Variants in PAG1 observed in about 807,000 individuals in gnomAD.
PAG1 encodes phosphoprotein associated with glycosphingolipid-enriched microdomains 1.
PAG1 carries 23 observed loss-of-function variants against 31.7 expected under a neutral mutation model. That is an observed-to-expected ratio of 0.73 (90% CI 0.52 to 1.03). The LOEUF (loss-of-function observed/expected upper bound fraction) is 1.03, where lower values mean the gene tolerates loss of function less well. Ranked by LOEUF, PAG1 falls within the 50% of genes least tolerant of loss-of-function variation. The probability of loss-of-function intolerance (pLI) is 0.00; values close to 1 mark genes in which losing one functional copy is unlikely to be tolerated. For missense variants in PAG1, 473 were observed against 540.7 expected, an observed-to-expected ratio of 0.87 and a Z score of 1.24; for synonymous variants, 214 against 210.3, an observed-to-expected ratio of 1.02 and a Z score of -0.15.
In PAG1 at chr8:80,984,875, A is replaced by G. The variant is rs772828902; in HGVS notation, c.777T>C (p.Pro259=). Residue 259 remains proline (P), a synonymous_variant, in exon 7 of 9, where the codon CCT becomes CCC. Coordinates refer to ENST00000220597, the MANE Select transcript of PAG1 (RefSeq NM_018440.4). The stretch of plus-strand genomic sequence containing the variant: ...TCTCGTCCAGAAGCTTAACAGGGAC[A>G]GGTGGTGGGGCCTCCTCTTCTGGAT... ...SCDPEEEAPP[P]VPVKLLDENE... is the part of the protein sequence containing the mutation. 1 of 1,614,132 alleles carries G rather than the reference A, an allele frequency of 6.2e-7. No homozygotes were observed.
chr8:80,981,232 C>T (rs143586760), intron 7 of PAG1, among the ~76,000 whole-genome samples: 15 of 152,058 alleles, frequency 9.9e-5, no homozygotes, highest in African/African-American at 3.4e-4. Flanking sequence ...GACCAGCGCT[C>T]GTTGTCAAAG....
chr8:81,095,197 G>A (rs1809505775), intron 1 of PAG1, among the ~76,000 whole-genome samples: 3 of 152,172 alleles, frequency 2.0e-5, no homozygotes, highest in Non-Finnish European at 4.4e-5. Context: ...TACTCATGGG[G>A]CTGTGAGGTC....
chr8:80,997,919 G>C (rs906846602), intron 3 of PAG1, among the ~76,000 whole-genome samples: 4 of 152,158 alleles, frequency 2.6e-5, no homozygotes, highest in Admixed American at 6.5e-5. Context: ...TCGAACTACT[G>C]TGAGAACTTG....
Position 81,111,391 on chromosome 8 carries a change from C to T in PAG1, c.-234+200G>A, listed in dbSNP as rs559000515. On this transcript the variant is annotated intron_variant, in intron 1 of 8. Transcript: ENST00000220597. ...TCTCCCAGCATATTTCCAACTGGCA[C>T]ATTCGTGAGATGCTGAGGTCAGCCA... 2.0e-5 allele frequency among the ~76,000 whole-genome samples: 3 copies of T among 152,328 alleles called. 1 individual carries two copies. In the South Asian group the frequency reaches 6.2e-4, roughly 32 times the overall value.
rs551364552 is a variant in PAG1 at position 81,057,043 on chromosome 8, T to C, written c.-175+13069A>G. ...AGATACCATCTCACAACAGTTAGAA[T>C]GGCAATCATTAAAAAGTCAGGAAAC... is the stretch of plus-strand genomic sequence containing the variant. On this transcript the variant is annotated intron_variant, in intron 2 of 8. Transcript: ENST00000220597. Among the ~76,000 whole-genome samples, 4 of 152,254 alleles carry C rather than the reference T, an allele frequency of 2.6e-5. No individual in the cohort carries two copies. In the South Asian group the frequency reaches 8.3e-4, roughly 32 times the overall value.
At chr8:81,106,166 C>T (rs1184782561) in intron 1 of PAG1, among the ~76,000 whole-genome samples, 3 of 152,144 alleles carry the variant, frequency 2.0e-5, no homozygotes, top group Non-Finnish European at 4.4e-5. Flanking sequence ...CTGCCTCAGC[C>T]TTCCGAGTAG....
chr8:81,030,317 C>T (rs1808358481), intron 2 of PAG1, among the ~76,000 whole-genome samples: 2 of 152,272 alleles, frequency 1.3e-5, no homozygotes, highest in East Asian at 3.9e-4. Context: ...TCTCCCCATC[C>T]ACCCAAAAAT....
intron 1 of PAG1, among the ~76,000 whole-genome samples, chr8:81,091,383 T>C (rs1304631471): frequency 6.6e-6 from 1 of 152,212 alleles, no homozygotes; most frequent in Non-Finnish European, 1.5e-5. Flanking sequence ...TAGAGAATCA[T>C]GTTTCACTTA....
chr8:81,055,536 G>A (rs1035376288), intron 2 of PAG1, among the ~76,000 whole-genome samples: 18 of 151,946 alleles, frequency 1.2e-4, no homozygotes, highest in Non-Finnish European at 2.1e-4. Context: ...GAATCTATAA[G>A]TTACCTTGGG....
At chr8:81,047,677 T>C (rs879854371) in intron 2 of PAG1, among the ~76,000 whole-genome samples, 5 of 152,206 alleles carry the variant, frequency 3.3e-5, no homozygotes, top group Non-Finnish European at 5.9e-5. Flanking sequence ...CAGAGCTAAA[T>C]GTCTTTTAGA....
At chr8:81,066,095 C>A (rs1246653117) in intron 2 of PAG1, among the ~76,000 whole-genome samples, 1 of 152,198 alleles carries the variant, frequency 6.6e-6, no homozygotes, top group Non-Finnish European at 1.5e-5. Flanking sequence ...ATCAACAGGG[C>A]CACTACATCC....
chr8:81,010,846 T>C (rs530552021), intron 3 of PAG1, among the ~76,000 whole-genome samples: 1 of 152,364 alleles, frequency 6.6e-6, no homozygotes, highest in East Asian at 1.9e-4. Context: ...ATGTGCTTTT[T>C]CTTTCTAGCC....
At chr8:81,055,993 T>C (rs1403528597) in intron 2 of PAG1, among the ~76,000 whole-genome samples, 3 of 152,314 alleles carry the variant, frequency 2.0e-5, no homozygotes, top group East Asian at 3.9e-4. Context: ...TCCAACACTA[T>C]GTTGAATAGG....
chr8:81,006,925 G>T (rs1020135481), intron 3 of PAG1, among the ~76,000 whole-genome samples: 3 of 152,172 alleles, frequency 2.0e-5, no homozygotes, highest in African/African-American at 7.2e-5. Flanking sequence ...AAAGCCCTTT[G>T]TATGTAAGGC....
At chr8:81,059,951 G>A (rs1808891230) in intron 2 of PAG1, among the ~76,000 whole-genome samples, 1 of 151,908 alleles carries the variant, frequency 6.6e-6, no homozygotes, top group Non-Finnish European at 1.5e-5. Flanking sequence ...CCAGGAGGCG[G>A]AGGTTGCAGT....
At chr8:81,009,831 G>A (rs1251677185) in intron 3 of PAG1, among the ~76,000 whole-genome samples, 1 of 152,088 alleles carries the variant, frequency 6.6e-6, no homozygotes, top group Admixed American at 6.5e-5. Context: ...CCCAGGCTGG[G>A]CTTGAACTCC....
chr8:81,027,999 G>A (rs140238198), intron 3 of PAG1, among the ~76,000 whole-genome samples: 22 of 152,104 alleles, frequency 1.4e-4, no homozygotes, highest in Non-Finnish European at 2.8e-4. Flanking sequence ...CCCCACAGCT[G>A]CTGTTGGGGC....
intron 2 of PAG1, among the ~76,000 whole-genome samples, chr8:81,060,733 T>C (rs1484710133): frequency 1.3e-5 from 2 of 152,208 alleles, no homozygotes; most frequent in African/African-American, 2.4e-5. Flanking sequence ...TTGAGGCCAC[T>C]AATGTATAAG....
At chr8:81,108,074 G>A (rs1042469791) in intron 1 of PAG1, among the ~76,000 whole-genome samples, 1 of 152,152 alleles carries the variant, frequency 6.6e-6, no homozygotes, top group Non-Finnish European at 1.5e-5. Context: ...ACACAGATAA[G>A]CCACTAAATA....
Sources: allele counts gnomAD v4.1 joint callset (sites outside exome capture counted in the v4.1 genomes callset), GRCh38; gene constraint gnomAD v4.1.1; transcripts MANE v1.5; gene names NCBI Gene and HGNC (gene_info 2026-07-23, HGNC 2026-07-21).